NINL: variants seen among roughly 807,000 people sequenced by gnomAD.
NINL encodes the protein ninein like, also known as ninein-like protein.
Under a neutral mutation model 160.3 loss-of-function variants are expected in NINL, and 153 were observed. That is an observed-to-expected ratio of 0.95 (90% CI 0.84 to 1.09). The LOEUF (loss-of-function observed/expected upper bound fraction) is 1.09, where lower values mean the gene tolerates loss of function less well. Ranked by LOEUF, NINL falls within the 50% of genes least tolerant of loss-of-function variation. The pLI is 0.00. For missense variants in NINL, 1,829 were observed against 1,764.0 expected (o/e 1.04, Z -0.66); for synonymous variants, 800 against 734.8 (o/e 1.09, Z -1.43).
intron 1 of NINL, among the ~76,000 whole-genome samples, chr20:25,561,445 C>T (rs868178564): frequency 1.3e-5 from 2 of 152,210 alleles, no homozygotes; most frequent in Non-Finnish European, 2.9e-5. Context: ...AGCCTCTGCC[C>T]GGCCGCTACC....
intron 17 of NINL, 67 bp from the exon 18 acceptor site, chr20:25,470,162 C>T (rs2063060945): frequency 7.7e-7 from 1 of 1,302,626 alleles, no homozygotes; most frequent in Non-Finnish European, 1.1e-6. Context: ...GAGGCTGGCT[C>T]TGCAGCGGGG....
At position 25,461,546 on chromosome 20, in the gene NINL, C is replaced by T; in HGVS notation, c.3672G>A (p.Gln1224=). ...SLQLPWSELT[Q]TLEESQDQVQ... ...CCTGGTCTTGACTTTCCTCAAGGGTCTGGGTCAGCTCTGACCATGGCAGCT... is the reference window on the plus strand; with the variant it reads ...CCTGGTCTTGACTTTCCTCAAGGGTTTGGGTCAGCTCTGACCATGGCAGCT... Residue 1224 remains glutamine (Q), a synonymous_variant, in exon 21 of 24, where the codon CAG becomes CAA. Coordinates refer to ENST00000278886, the MANE Select transcript of NINL (RefSeq NM_025176.6). The T allele has an allele frequency of 6.3e-7, 1 of 1,590,120 alleles. No homozygotes were observed. Among genetic ancestry groups the T allele is most frequent in the Non-Finnish European group, 8.5e-7 (1 of 1,171,354 alleles).
intron 1 of NINL, among the ~76,000 whole-genome samples, chr20:25,536,956 A>G (rs2064567528): frequency 6.6e-6 from 1 of 152,232 alleles, no homozygotes; most frequent in Admixed American, 6.5e-5. Flanking sequence ...AAACAGTACA[A>G]TTAGGATATG....
intron 1 of NINL, among the ~76,000 whole-genome samples, chr20:25,558,090 G>A (rs918089308): frequency 2.6e-5 from 4 of 152,080 alleles, no homozygotes; most frequent in Admixed American, 6.6e-5. Flanking sequence ...GCAGTGAGCC[G>A]AGATCATGCC....
chr20:25,462,054 C>G (rs1036377674), intron 20 of NINL, among the ~76,000 whole-genome samples: 42 of 152,376 alleles, frequency 2.8e-4, no homozygotes, highest in African/African-American at 1.0e-3. Context: ...CATCCTTCCA[C>G]AAGGCTCTCG....
Sources: allele counts gnomAD v4.1 joint callset (sites outside exome capture counted in the v4.1 genomes callset), GRCh38; gene constraint gnomAD v4.1.1; transcripts MANE v1.5; gene names NCBI Gene and HGNC (gene_info 2026-07-23, HGNC 2026-07-21).